The following SORBS2 variants were observed in gnomAD, a reference collection of about 807,000 sequenced individuals.
SORBS2 encodes sorbin and SH3 domain-containing protein 2.
Under a neutral mutation model 97.7 loss-of-function variants are expected in SORBS2, and 46 were observed. The observed-to-expected ratio is 0.47, with a 90% confidence interval of 0.37 to 0.60. The LOEUF is 0.60. Ranked by LOEUF, SORBS2 falls within the 20% of genes least tolerant of loss-of-function variation. SORBS2 has a pLI of 0.00. For synonymous variants in SORBS2, 476 were observed against 473.4 expected, an observed-to-expected ratio of 1.01 and a Z score of -0.07; for missense variants, 1,316 against 1,282.3, an observed-to-expected ratio of 1.03 and a Z score of -0.40.
chr4:185,955,608 C>T (rs1452586747), intron 1 of SORBS2, among the ~76,000 whole-genome samples: 1 of 152,156 alleles, frequency 6.6e-6, no homozygotes, highest in Admixed American at 6.5e-5. Context: ...GAAACAAGAG[C>T]GCCTAACACG....
Position 185,888,059 on chromosome 4 carries a change from ATATTAT to A in SORBS2, c.-338+68131_-338+68136del, listed in dbSNP as rs148021041. Reference sequence around the variant, plus strand: ...TAAACTGTATGAAACCTGACATTCTATATTATTATTATTATTATTATTTTGCTTTCT... The same window carrying A: ...TAAACTGTATGAAACCTGACATTCTATATTATTATTATTATTTTGCTTTCT... On this transcript the variant is annotated intron_variant, in intron 1 of 20. Coordinates refer to the SORBS2 transcript ENST00000284776. Among the ~76,000 whole-genome samples, 14 of 148,850 alleles carry A rather than the reference ATATTAT, an allele frequency of 9.4e-5. 2 individuals are homozygous for A. Among genetic ancestry groups the A allele is most frequent in the African/African-American group, 1.7e-4 (7 of 40,372 alleles).
At chr4:185,603,471 G>GA (rs1230734747) in intron 12 of SORBS2, among the ~76,000 whole-genome samples, 1 of 152,202 alleles carries the variant, frequency 6.6e-6, no homozygotes, top group African/African-American at 2.4e-5. Flanking sequence ...GGAGCACATA[G>GA]ATAGACTATG....
intron 1 of SORBS2, among the ~76,000 whole-genome samples, chr4:185,830,943 TA>T (rs1316910092): frequency 6.6e-6 from 1 of 152,218 alleles, no homozygotes; most frequent in Non-Finnish European, 1.5e-5. Flanking sequence ...TATGGGTACT[TA>T]GGGTTTGCTG....
At chr4:185,629,509 T>C (rs1247104352) in intron 5 of SORBS2, among the ~76,000 whole-genome samples, 2 of 151,948 alleles carry the variant, frequency 1.3e-5, no homozygotes, top group African/African-American at 4.8e-5. Flanking sequence ...TGGGAGTTTG[T>C]ATTATTCAAT....
At chr4:185,865,045 G>A (rs1016399444) in intron 1 of SORBS2, among the ~76,000 whole-genome samples, 3 of 152,092 alleles carry the variant, frequency 2.0e-5, no homozygotes, top group Non-Finnish European at 2.9e-5. Context: ...TACCTGCCCC[G>A]CCTGGTCCAT....
intron 1 of SORBS2, among the ~76,000 whole-genome samples, chr4:185,884,601 A>T (rs574683373): frequency 6.6e-6 from 1 of 152,324 alleles, no homozygotes; most frequent in South Asian, 2.1e-4. Flanking sequence ...ATTTCCATCA[A>T]CTTGGCCTTT....
chr4:185,676,864 G>T lies in SORBS2; in HGVS notation c.-46+1559C>A, dbSNP rs2097794326. 1.9e-5 allele frequency: 13 copies of T among 694,962 alleles called. No homozygotes were observed. In the South Asian group the frequency reaches 2.5e-4, roughly 13 times the overall value. 43.0% of individuals were successfully genotyped at this position (694,962 alleles called of 1,614,324 possible). A position where few individuals can be genotyped will look rare whatever the true frequency, so the allele number is the denominator to read the frequency against. ...TTAGTAGGGTTTTAAATTGGAAAAT[G>T]GTTTCTTTCTCCTTTCCCTTCCTGC... On this transcript the variant is annotated intron_variant, in intron 4 of 20. Transcript: ENST00000284776.
intron 2 of SORBS2, among the ~76,000 whole-genome samples, chr4:185,768,025 C>A (rs371061619): frequency 3.9e-5 from 6 of 152,298 alleles, no homozygotes; most frequent in African/African-American, 1.4e-4. Flanking sequence ...TCCAGTACAG[C>A]TTTTCCTTTG....
intron 1 of SORBS2, among the ~76,000 whole-genome samples, chr4:185,806,659 C>A (rs1429767927): frequency 6.6e-6 from 1 of 151,496 alleles, no homozygotes; most frequent in Non-Finnish European, 1.5e-5. Flanking sequence ...GGGGTTTCAC[C>A]GTTTTAGCCG....
exon 7 of SORBS2, chr4:185,624,138 C>T (rs183254057): frequency 6.2e-7 from 1 of 1,614,220 alleles, no homozygotes; most frequent in Non-Finnish European, 8.5e-7. Flanking sequence ...ACCTCCGGGA[C>T]GTAGGGGGAC....
intron 2 of SORBS2, among the ~76,000 whole-genome samples, chr4:185,733,405 G>A (rs997426935): frequency 1.3e-5 from 2 of 152,168 alleles, no homozygotes; most frequent in African/African-American, 4.8e-5. Context: ...GCGGGGGTCC[G>A]CCCACTGGCC....
At chr4:185,770,476 G>A (rs62334855) in intron 2 of SORBS2, among the ~76,000 whole-genome samples, 27,571 of 151,982 alleles carry the variant, frequency 0.18, 2,673 homozygotes, top group Middle Eastern at 0.26. Flanking sequence ...TTTGGATTTC[G>A]GACTTTTAGA....
Position 185,678,778 on chromosome 4 carries a change from A to G in SORBS2, c.-171+18T>C. On this transcript the variant is annotated intron_variant, in intron 3 of 20. Coordinates refer to the SORBS2 transcript ENST00000284776. ...GTCACAAATAATATAATAATTATTC[A>G]GAATATTTTTTCTGTACCTGAGTCT... 1 of 1,437,942 alleles carries G rather than the reference A, an allele frequency of 7.0e-7. No homozygotes were observed. Among genetic ancestry groups the G allele is most frequent in the African/African-American group, 1.5e-5 (1 of 68,756 alleles). 89.1% of individuals were successfully genotyped at this position (1,437,942 alleles called of 1,614,324 possible). A position where few individuals can be genotyped will look rare whatever the true frequency, so the allele number is the denominator to read the frequency against.
chr4:185,778,341 CG>C (rs2099010267), intron 1 of SORBS2, among the ~76,000 whole-genome samples: 1 of 152,136 alleles, frequency 6.6e-6, no homozygotes, highest in African/African-American at 2.4e-5. Flanking sequence ...AACAAATTCC[CG>C]GGTGATTCTT....
chr4:185,950,476 C>T (rs1286022366), intron 1 of SORBS2, among the ~76,000 whole-genome samples: 2 of 152,172 alleles, frequency 1.3e-5, no homozygotes, highest in South Asian at 2.1e-4. Flanking sequence ...GGTTAGAGAA[C>T]CTCTATATTC....
chr4:185,605,270 A>C (rs531342048), intron 12 of SORBS2, among the ~76,000 whole-genome samples: 25 of 152,264 alleles, frequency 1.6e-4, no homozygotes, highest in African/African-American at 6.0e-4. Flanking sequence ...CACAGGGTAC[A>C]TTTGTGGGAT....
intron 12 of SORBS2, among the ~76,000 whole-genome samples, chr4:185,608,275 A>G (rs2096467563): frequency 6.6e-6 from 1 of 152,246 alleles, no homozygotes; most frequent in African/African-American, 2.4e-5. Context: ...TTCTAAGTGA[A>G]TAAGTTCTGA....
At chr4:185,665,975 T>C (rs1178345594) in intron 4 of SORBS2, 5 of 1,266,998 alleles carry the variant, frequency 3.9e-6, no homozygotes, top group African/African-American at 1.5e-5. Context: ...AGCAGGTGTT[T>C]GTATAAGCAA....
intron 1 of SORBS2, among the ~76,000 whole-genome samples, chr4:185,809,597 G>A (rs907470501): frequency 6.6e-6 from 1 of 151,722 alleles, no homozygotes; most frequent in Non-Finnish European, 1.5e-5. Context: ...GCAAAGTCTT[G>A]AAGGATAGAG....
Sources: allele counts gnomAD v4.1 joint callset (sites outside exome capture counted in the v4.1 genomes callset), GRCh38; gene constraint gnomAD v4.1.1; transcripts MANE v1.5; gene names NCBI Gene and HGNC (gene_info 2026-07-23, HGNC 2026-07-21).